The following DCPS variants were observed in gnomAD, a reference collection of about 807,000 sequenced individuals.
DCPS encodes m7GpppX diphosphatase.
DCPS carries 27 observed loss-of-function variants against 34.7 expected under a neutral mutation model. That is an observed-to-expected ratio of 0.78 (90% CI 0.57 to 1.07). DCPS has a LOEUF of 1.07. Among genes scored for constraint, DCPS ranks in the 50% least tolerant of loss-of-function variants. The pLI, the probability that DCPS is intolerant of heterozygous loss-of-function variation, is 0.00. For missense variants in DCPS, 464 were observed against 436.9 expected (o/e 1.06, Z -0.55); for synonymous variants, 185 against 185.7 (o/e 1.00, Z 0.03).
In DCPS at chr11:126,329,838, G is replaced by C. The variant is rs1951768859; in HGVS notation, c.377-1567G>C. ...TAGCCGGGTTTTGCGGTGTGTGAGTGAGTATGAGGACTTCGTGGTGGTGAA... is the reference window on the plus strand; with the variant it reads ...TAGCCGGGTTTTGCGGTGTGTGAGTCAGTATGAGGACTTCGTGGTGGTGAA... On this transcript the variant is annotated intron_variant, in intron 2 of 5. Transcript: ENST00000263579. The surrounding 1 kb of genome is among the most constrained non-coding windows in gnomAD (Gnocchi z 5.0). Among the ~76,000 whole-genome samples, 1 of 152,174 alleles carries C rather than the reference G, an allele frequency of 6.6e-6. No homozygotes were observed. The highest frequency in any genetic ancestry group is 6.5e-5 in the Admixed American group (1 of 15,282).
chr11:126,306,573 A>G lies in DCPS; in HGVS notation c.205A>G (p.Asn69Asp). ...DKIIFLHGKV[N>D]EASGDGDGED... ...CTGATGATGCCTCTGCCCACAGGTG[A>G]ATGAGGCCTCTGGGGATGGGGATGG... The change falls in exon 2 of 6, where the codon AAT (asparagine) becomes GAT (aspartate). Residue 69 changes from asparagine to aspartate, a missense_variant. Physicochemically the swap from Asn to Asp is conservative, Grantham distance 23 (BLOSUM62 1). Coordinates refer to ENST00000263579, the MANE Select transcript of DCPS (RefSeq NM_014026.6). 1 of 1,602,088 alleles carries G rather than the reference A, an allele frequency of 6.2e-7. No homozygotes were observed. The highest frequency in any genetic ancestry group is 8.5e-7 in the Non-Finnish European group (1 of 1,171,710).
chr11:126,310,032 CCACT>C (rs1465027272), intron 2 of DCPS, among the ~76,000 whole-genome samples: 5 of 152,184 alleles, frequency 3.3e-5, no homozygotes, highest in African/African-American at 9.6e-5. Context: ...CAGATTTTTA[CCACT>C]CAAAGTGTGG....
chr11:126,331,380 C>G lies in DCPS; in HGVS notation c.377-25C>G. On this transcript the variant is annotated intron_variant, in intron 2 of 5. Transcript: ENST00000263579. This position sits in a 1 kb window ranked among gnomAD's most constrained non-coding sequence, Gnocchi z 7.2. ...TAGAGAGTGGGCATTGCTTCCCTGT[C>G]ACGGGCTGTGCTGTATCATTGCAGA... The G allele has an allele frequency of 6.2e-7, 1 of 1,612,604 alleles. No homozygotes were observed. The highest frequency in any genetic ancestry group is 8.5e-7 in the Non-Finnish European group (1 of 1,179,202).
At position 126,328,148 on chromosome 11, in the gene DCPS, C is replaced by T. The variant is rs367930756; in HGVS notation, c.377-3257C>T. Among the ~76,000 whole-genome samples, 193 of 152,254 alleles carry T rather than the reference C, an allele frequency of 1.3e-3. No homozygotes were observed. Among genetic ancestry groups the T allele is most frequent in the African/African-American group, 4.0e-3 (166 of 41,538 alleles). On this transcript the variant is annotated intron_variant, in intron 2 of 5. Transcript: ENST00000263579. This position sits in a 1 kb window ranked among gnomAD's most constrained non-coding sequence, Gnocchi z 6.6. ...GCGAGTTAGTGGGTCAGTGGGGAGC[C>T]GGCGCGGCTGGAGCAGAGGCCCTAA... is the stretch of plus-strand genomic sequence containing the variant.
At position 126,346,854 on chromosome 11, in the gene DCPS, T is replaced by TGGAC. The variant is rs1951934944; in HGVS notation, c.*1242_*1245dup. ...TGCTTCAGGGTCTCAGGGCCTGCTGTGGACCCCCATGGTCCTGGGAGAGAC... is the reference window on the plus strand; with the variant it reads ...TGCTTCAGGGTCTCAGGGCCTGCTGTGGACGGACCCCCATGGTCCTGGGAGAGAC... On this transcript the variant is annotated 3_prime_UTR_variant, in exon 6 of 6. Transcript: ENST00000263579. The surrounding 1 kb of genome is among the most constrained non-coding windows in gnomAD (Gnocchi z 4.1). Among the ~76,000 whole-genome samples the TGGAC allele has an allele frequency of 6.6e-6, 1 of 152,162 alleles. No individual in the cohort carries two copies. The highest frequency in any genetic ancestry group is 2.4e-5 in the African/African-American group (1 of 41,444).
chr11:126,318,975 C>G (rs1425038187), intron 2 of DCPS, among the ~76,000 whole-genome samples: 2 of 152,144 alleles, frequency 1.3e-5, no homozygotes, highest in Non-Finnish European at 2.9e-5. Flanking sequence ...AGCCCTGCCT[C>G]CCACCTCTGA....
At position 126,338,058 on chromosome 11, in the gene DCPS, G is replaced by T. The variant is rs1284263286; in HGVS notation, c.523-228G>T. 2 of 548,652 alleles carry T rather than the reference G, an allele frequency of 3.6e-6. No individual in the cohort carries two copies. Among genetic ancestry groups the T allele is most frequent in the South Asian group, 2.0e-5 (1 of 49,074 alleles). 34.0% of individuals were successfully genotyped at this position (548,652 alleles called of 1,614,324 possible). ...AAGCTGCAGAGACCCTTGTGATGACGCATGGCTGAGTGCCAGCTGGAGTGG... is the reference window on the plus strand; with the variant it reads ...AAGCTGCAGAGACCCTTGTGATGACTCATGGCTGAGTGCCAGCTGGAGTGG... On this transcript the variant is annotated intron_variant, in intron 3 of 5. Transcript: ENST00000263579. This position sits in a 1 kb window ranked among gnomAD's most constrained non-coding sequence, Gnocchi z 5.4.
Position 126,322,616 on chromosome 11 carries a change from CGA to C in DCPS, c.377-8788_377-8787del, listed in dbSNP as rs1173911246. On this transcript the variant is annotated intron_variant, in intron 2 of 5. Coordinates refer to ENST00000263579, the MANE Select transcript of DCPS (RefSeq NM_014026.6). This position sits in a 1 kb window ranked among gnomAD's most constrained non-coding sequence, Gnocchi z 4.2. The stretch of plus-strand genomic sequence containing the variant: ...AATTCCTTTTTTTTTTTTTTTGAGA[CGA>C]AGTCTCACTGCGTTGCCAGGCTGGA... Among the ~76,000 whole-genome samples the C allele has an allele frequency of 1.4e-5, 2 of 143,624 alleles. No individual in the cohort carries two copies. Among genetic ancestry groups the C allele is most frequent in the Admixed American group, 7.0e-5 (1 of 14,196 alleles). 94.2% of individuals were successfully genotyped at this position (143,624 alleles called of 152,430 possible). A position where few individuals can be genotyped will look rare whatever the true frequency, so the allele number is the denominator to read the frequency against.
chr11:126,349,917 A>G lies in DCPS; in HGVS notation c.*4304A>G, dbSNP rs150235808. On this transcript the variant is annotated 3_prime_UTR_variant, in exon 6 of 6. Transcript: ENST00000263579. The surrounding 1 kb of genome is among the most constrained non-coding windows in gnomAD (Gnocchi z 5.4). ...AACTTGAAGTTACCAAGTTTTAACCACTGTTAGAAAATAAGCAGGAATGAA... is the reference window on the plus strand; with the variant it reads ...AACTTGAAGTTACCAAGTTTTAACCGCTGTTAGAAAATAAGCAGGAATGAA... Among the ~76,000 whole-genome samples the G allele has an allele frequency of 3.8e-3, 576 of 152,362 alleles. 2 individuals are homozygous for G. Among genetic ancestry groups the G allele is most frequent in the African/African-American group, 0.013 (550 of 41,588 alleles).
At position 126,332,272 on chromosome 11, in the gene DCPS, T is replaced by G. The variant is rs1234375639; in HGVS notation, c.522+722T>G. Among the ~76,000 whole-genome samples the G allele has an allele frequency of 1.3e-5, 2 of 152,224 alleles. No individual in the cohort carries two copies. Among genetic ancestry groups the G allele is most frequent in the Non-Finnish European group, 2.9e-5 (2 of 68,036 alleles). ...CTGGCAGTCGTCTGGCCAGGCCAGA[T>G]GCAAGGCCATTTAGCTCCAAGATCC... On this transcript the variant is annotated intron_variant, in intron 3 of 5. Coordinates refer to ENST00000263579, the MANE Select transcript of DCPS (RefSeq NM_014026.6). This position sits in a 1 kb window ranked among gnomAD's most constrained non-coding sequence, Gnocchi z 5.4.
intron 2 of DCPS, among the ~76,000 whole-genome samples, chr11:126,317,150 G>A (rs909221535): frequency 1.3e-4 from 20 of 151,486 alleles, no homozygotes; most frequent in South Asian, 2.1e-4. Flanking sequence ...TAGTAGAGAC[G>A]GGGTTTCACC....
rs1951786959 is a variant in DCPS at position 126,331,090 on chromosome 11, T to C, written c.377-315T>C. Among the ~76,000 whole-genome samples the C allele has an allele frequency of 6.6e-6, 1 of 151,906 alleles. No individual in the cohort carries two copies. Among genetic ancestry groups the C allele is most frequent in the African/African-American group, 2.4e-5 (1 of 41,352 alleles). ...GAAAGCCACATACCTAGAAATTTGG[T>C]ATGTGAGAAGAGTTAGAGACCTCTC... On this transcript the variant is annotated intron_variant, in intron 2 of 5. Coordinates refer to ENST00000263579, the MANE Select transcript of DCPS (RefSeq NM_014026.6). This position sits in a 1 kb window ranked among gnomAD's most constrained non-coding sequence, Gnocchi z 7.2.
Position 126,338,461 on chromosome 11 carries a change from C to T in DCPS, c.636+62C>T. 1 of 1,449,280 alleles carries T rather than the reference C, an allele frequency of 6.9e-7. No homozygotes were observed. Among genetic ancestry groups the T allele is most frequent in the Non-Finnish European group, 9.7e-7 (1 of 1,030,682 alleles). 89.8% of individuals were successfully genotyped at this position (1,449,280 alleles called of 1,614,324 possible). On this transcript the variant is annotated intron_variant, in intron 4 of 5. Coordinates refer to ENST00000263579, the MANE Select transcript of DCPS (RefSeq NM_014026.6). This position sits in a 1 kb window ranked among gnomAD's most constrained non-coding sequence, Gnocchi z 5.4. ...CACCCTGCTGTAAGTGCTGGTCCTT[C>T]TGACTGCCCTCTTTCTCACGCTGGC...
In DCPS at chr11:126,331,431, G is replaced by A. The variant is rs1285477442; in HGVS notation, c.403G>A (p.Ala135Thr). Residue 135 changes from alanine to threonine, a missense_variant, in exon 3 of 6, where the codon GCC becomes ACC. Ala to Thr is a moderately conservative substitution (Grantham distance 58). Coordinates refer to ENST00000263579, the MANE Select transcript of DCPS (RefSeq NM_014026.6). The surrounding 1 kb of genome is among the most constrained non-coding windows in gnomAD (Gnocchi z 7.2). ...NDVKTTVVYP[A>T]TEKHLQKYLR... ...TGTAAAGACGACCGTGGTTTACCCT[G>A]CCACAGAGAAACACCTGCAGAAGTA... 3 of 1,614,026 alleles carry A rather than the reference G, an allele frequency of 1.9e-6. No individual in the cohort carries two copies. Among genetic ancestry groups the A allele is most frequent in the African/African-American group, 2.7e-5 (2 of 74,916 alleles).
At chr11:126,339,594 G>C (rs1240395089) in intron 4 of DCPS, among the ~76,000 whole-genome samples, 2 of 152,252 alleles carry the variant, frequency 1.3e-5, no homozygotes, top group Non-Finnish European at 2.9e-5. Context: ...CGAAGTTGCA[G>C]CATTGATCGA....
chr11:126,305,413 CTTTTT>C (rs1165260410), intron 1 of DCPS, among the ~76,000 whole-genome samples: 3 of 68,296 alleles, frequency 4.4e-5, no homozygotes, highest in Admixed American at 1.7e-4. Flanking sequence ...CCGCACCCGC[CTTTTT>C]TTTTTTTTTT....
rs2135329505 is a variant in DCPS at position 126,334,069 on chromosome 11, A to C, written c.522+2519A>C. Among the ~76,000 whole-genome samples the C allele has an allele frequency of 6.6e-6, 1 of 152,232 alleles. No homozygotes were observed. Among genetic ancestry groups the C allele is most frequent in the South Asian group, 2.1e-4 (1 of 4,824 alleles). On this transcript the variant is annotated intron_variant, in intron 3 of 5. Coordinates refer to ENST00000263579, the MANE Select transcript of DCPS (RefSeq NM_014026.6). This position sits in a 1 kb window ranked among gnomAD's most constrained non-coding sequence, Gnocchi z 5.5. ...AGTATGGGTCTGAACCAAGGTAGGG[A>C]CAGTGGGGAAGGATTCTGGAGCAAT...
chr11:126,304,436 G>A, intron 1 of DCPS, 155 bp downstream of exon 1: 1 of 779,766 alleles, frequency 1.3e-6, no homozygotes, highest in Non-Finnish European at 2.0e-6. Flanking sequence ...TAGAGGGGCG[G>A]TGAAAGGCGG....
At position 126,348,485 on chromosome 11, in the gene DCPS, C is replaced by T. The variant is rs185818379; in HGVS notation, c.*2872C>T. Among the ~76,000 whole-genome samples, 12 of 152,358 alleles carry T rather than the reference C, an allele frequency of 7.9e-5. No individual in the cohort carries two copies. The highest frequency in any genetic ancestry group is 1.6e-4 in the Non-Finnish European group (11 of 68,024). Reference sequence around the variant, plus strand: ...CTGCTGTAATCTCCAGGGACCCTGCCGGCCACGGCCCCCATGCAGCTCCCT... The same window carrying T: ...CTGCTGTAATCTCCAGGGACCCTGCTGGCCACGGCCCCCATGCAGCTCCCT... On this transcript the variant is annotated 3_prime_UTR_variant, in exon 6 of 6. Coordinates refer to ENST00000263579, the MANE Select transcript of DCPS (RefSeq NM_014026.6). This position sits in a 1 kb window ranked among gnomAD's most constrained non-coding sequence, Gnocchi z 5.3.
Sources: allele counts gnomAD v4.1 joint callset (sites outside exome capture counted in the v4.1 genomes callset), GRCh38; gene constraint gnomAD v4.1.1; non-coding constraint Gnocchi (gnomAD v3.1); transcripts MANE v1.5; gene names NCBI Gene and HGNC (gene_info 2026-07-23, HGNC 2026-07-21).